IL17RC: variants seen among roughly 807,000 people sequenced by gnomAD.
IL17RC encodes the protein interleukin 17 receptor C.
Under a neutral mutation model 86.7 loss-of-function variants are expected in IL17RC, and 53 were observed. The observed-to-expected ratio is 0.61, with a 90% CI of 0.49 to 0.77. IL17RC has a LOEUF of 0.77. Among genes scored for constraint, IL17RC ranks in the 30% least tolerant of loss-of-function variants. The probability of loss-of-function intolerance (pLI) is 0.00; values close to 1 mark genes in which losing one functional copy is unlikely to be tolerated. For missense variants in IL17RC, 957 were observed against 940.0 expected, an observed-to-expected ratio of 1.02 and a Z score of -0.24; for synonymous variants, 439 against 413.1, an observed-to-expected ratio of 1.06 and a Z score of -0.76.
chr3:9,930,853 C>T lies in IL17RC; in HGVS notation c.1339-42C>T, dbSNP rs1204801218. 3 of 1,590,496 alleles carry T rather than the reference C, an allele frequency of 1.9e-6. No homozygotes were observed. The highest frequency in any genetic ancestry group is 3.3e-5 in the Admixed American group (2 of 59,996). On this transcript the variant is annotated intron_variant, in intron 15 of 18. Transcript: ENST00000403601. This position sits in a 1 kb window ranked among gnomAD's most constrained non-coding sequence, Gnocchi z 5.8. ...CCAGAGCTTGGTGAATATTGGAACACCTGGCTGGTGCCCTGGATTTGGTTC... is the reference window on the plus strand; with the variant it reads ...CCAGAGCTTGGTGAATATTGGAACATCTGGCTGGTGCCCTGGATTTGGTTC...
At chr3:9,920,688 C>A in intron 6 of IL17RC, 86 bp downstream of exon 6, 2 of 949,610 alleles carry the variant, frequency 2.1e-6, no homozygotes, top group Non-Finnish European at 3.3e-6. Context: ...CTAGCTCCAT[C>A]CACTCTCCGG....
At chr3:9,917,764 C>G (rs199819948) in intron 2 of IL17RC, 30 bp downstream of exon 2, 7 of 1,613,452 alleles carry the variant, frequency 4.3e-6, no homozygotes, top group Non-Finnish European at 4.2e-6. Flanking sequence ...AAAAGAATTT[C>G]CCAGGTTGGC....
Position 9,928,361 on chromosome 3 carries a change from C to T in IL17RC, c.934C>T (p.Gln312Ter). The T allele has an allele frequency of 6.2e-7, 1 of 1,605,656 alleles. No homozygotes were observed. Among genetic ancestry groups the T allele is most frequent in the Non-Finnish European group, 8.5e-7 (1 of 1,174,720 alleles). The part of the protein sequence containing the change: ...QAARLQLLTL[Q>*]SWLLDAPCSL... ...CGCCCGACTGCAACTGCTGACCCTG[C>T]AGAGCTGGCTGCTGGACGCACCGTG... The change falls in exon 11 of 19, where the codon CAG becomes TAG. Residue 312 changes from glutamine to a stop codon, truncating the protein, a stop_gained. Coordinates refer to ENST00000403601, the MANE Select transcript of IL17RC (RefSeq NM_153460.4). LOFTEE classifies it high-confidence loss of function.
At chr3:9,921,317 T>C (rs2083528434) in intron 7 of IL17RC, among the ~76,000 whole-genome samples, 1 of 151,954 alleles carries the variant, frequency 6.6e-6, no homozygotes, top group Non-Finnish European at 1.5e-5. Flanking sequence ...TAACAGGACA[T>C]GGTGGTGTGC....
chr3:9,922,039 G>C (rs1032193275), intron 7 of IL17RC, among the ~76,000 whole-genome samples: 5 of 138,830 alleles, frequency 3.6e-5, no homozygotes, highest in African/African-American at 1.4e-4. Context: ...TGCAACCTCT[G>C]CCTTCTGGGT....
Position 9,921,787 on chromosome 3 carries a change from G to T in IL17RC, c.622+818G>T, listed in dbSNP as rs866845632. 2.0e-5 allele frequency among the ~76,000 whole-genome samples: 3 copies of T among 150,350 alleles called. No homozygotes were observed. In the Middle Eastern group the frequency reaches 0.01, roughly 515 times the overall value. On this transcript the variant is annotated intron_variant, in intron 7 of 18. Transcript: ENST00000403601. Reference sequence around the variant, plus strand: ...CTACAGGCACCCGCCACCACGCCTGGCTAATTTTTTTTTTTTTTTAGTAGA... The same window carrying T: ...CTACAGGCACCCGCCACCACGCCTGTCTAATTTTTTTTTTTTTTTAGTAGA...
intron 7 of IL17RC, among the ~76,000 whole-genome samples, chr3:9,922,464 A>G (rs1162015095): frequency 3.9e-5 from 6 of 152,246 alleles, no homozygotes; most frequent in African/African-American, 1.4e-4. Flanking sequence ...AGATGTGTAT[A>G]TCATGGATTT....
rs558820978 is a variant in IL17RC, at chr3:9,921,450, G to A, written c.622+481G>A. On this transcript the variant is annotated intron_variant, in intron 7 of 18. Transcript: ENST00000403601. ...AGCCTGGGTGACAGAGCAAGACTCCGTCTCAAAAAACAAAACAAAACAAAA... is the reference window on the plus strand; with the variant it reads ...AGCCTGGGTGACAGAGCAAGACTCCATCTCAAAAAACAAAACAAAACAAAA... Among the ~76,000 whole-genome samples the A allele has an allele frequency of 4.8e-3, 600 of 124,328 alleles. 9 individuals carry two copies. In the South Asian group the frequency reaches 0.077, roughly 16 times the overall value. 81.6% of individuals were successfully genotyped at this position (124,328 alleles called of 152,430 possible).
Position 9,933,569 on chromosome 3 carries a change from A to T in IL17RC, c.2139A>T (p.Gly713=). The change falls in exon 19 of 19, where the codon GGA becomes GGT. Residue 713 remains glycine, a synonymous_variant. Transcript: ENST00000403601. ...APGRGVGPGA[G]PGAGDGT is the part of the protein sequence containing the mutation. ...GACGCGGGGTGGGACCAGGCGCGGG[A>T]CCTGGGGCGGGGGACGGGACTTAAA... 6.2e-7 allele frequency: 1 copy of T among 1,601,408 alleles called. No individual in the cohort carries two copies. Among genetic ancestry groups the T allele is most frequent in the African/African-American group, 1.3e-5 (1 of 74,724 alleles).
rs746942287 is a variant in IL17RC at position 9,932,967 on chromosome 3, C to G, written c.1537C>G (p.Arg513Gly). 13 of 1,606,402 alleles carry G rather than the reference C, an allele frequency of 8.1e-6. No homozygotes were observed. In the East Asian group the frequency reaches 2.9e-4, roughly 36 times the overall value. The change falls in exon 19 of 19, where the codon CGC (arginine) becomes GGC (glycine). Residue 513 changes from arginine to glycine, a missense_variant. Transcript: ENST00000403601. ...TTCTCCGGCAGCGGCCGCCAGGGGC[C>G]GCGCGGCTCTGCTCCTCTACTCAGC... ...DVRSGAAARG[R>G]AALLLYSADD...
intron 7 of IL17RC, among the ~76,000 whole-genome samples, chr3:9,921,827 G>A (rs1092518): frequency 6.7e-6 from 1 of 149,992 alleles, no homozygotes; most frequent in Non-Finnish European, 1.5e-5. Context: ...GGGTTTCACC[G>A]TGTTAGCCAG....
intron 5 of IL17RC, among the ~76,000 whole-genome samples, chr3:9,919,444 A>G (rs1406589373): frequency 6.6e-6 from 1 of 152,078 alleles, no homozygotes. Context: ...GGAGATTGAG[A>G]CCATCCTGGC....
In IL17RC at chr3:9,917,931, A is replaced by C; in HGVS notation, c.136A>C (p.Ile46Leu). 1 of 1,613,360 alleles carries C rather than the reference A, an allele frequency of 6.2e-7. No individual in the cohort carries two copies. The change falls in exon 3 of 19, where the codon ATA (isoleucine) becomes CTA (leucine). Residue 46 changes from isoleucine (I) to leucine (L), a missense_variant. Transcript: ENST00000403601. ...CGCTCCTCCACACACAGACAGTGAC[A>C]TACTCTGCCTGCCTGGGGACATCGT... ...GLSCRLWDSDILCLPGDIVPA... is the reference protein window; with the variant it reads ...GLSCRLWDSDLLCLPGDIVPA...
chr3:9,925,873 T>G (rs1559306747), intron 9 of IL17RC, among the ~76,000 whole-genome samples: 1 of 151,544 alleles, frequency 6.6e-6, no homozygotes, highest in Non-Finnish European at 1.5e-5. Context: ...TTTTTTTTTT[T>G]TTTAGAGACA....
chr3:9,930,476 AG>A lies in IL17RC; in HGVS notation c.1338+20del, dbSNP rs1559318897. On this transcript the variant is annotated intron_variant, in intron 15 of 18. Coordinates refer to ENST00000403601, the MANE Select transcript of IL17RC (RefSeq NM_153460.4). The surrounding 1 kb of genome is among the most constrained non-coding windows in gnomAD (Gnocchi z 5.8). ...TGTCTGCAGGTGAGCTGGTGGAAGA[AG>A]GGCCCCACCTCAATGCCTAGGGGCA... 1.2e-6 allele frequency: 2 copies of A among 1,613,344 alleles called. No individual in the cohort carries two copies.
intron 16 of IL17RC, 104 bp downstream of exon 16, chr3:9,931,047 G>A: frequency 1.1e-6 from 1 of 915,680 alleles, no homozygotes. Context: ...CCTTCCCTGA[G>A]ATCAGATAAA....
intron 12 of IL17RC, 47 bp from the exon 13 acceptor site, chr3:9,929,805 G>T (rs1481182127): frequency 1.2e-6 from 2 of 1,611,546 alleles, no homozygotes; most frequent in Non-Finnish European, 1.7e-6. Context: ...TTCTGCCTTT[G>T]GCTTTTGCTT....
Position 9,918,010 on chromosome 3 carries a change from T to C in IL17RC, c.215T>C (p.Leu72Pro), listed in dbSNP as rs2083246504. ...APTHLQTELV[L>P]RCQKETDCDL... ...ACGCACCTGCAGACAGAGCTGGTGC[T>C]GAGGTGCCAGAAGGAGACCGACTGT... is the stretch of plus-strand genomic sequence containing the variant. Residue 72 changes from leucine (L) to proline (P), a missense_variant, in exon 3 of 19, where the codon CTG (leucine) becomes CCG (proline). Coordinates refer to ENST00000403601, the MANE Select transcript of IL17RC (RefSeq NM_153460.4). The C allele has an allele frequency of 6.2e-7, 1 of 1,613,588 alleles. No individual in the cohort carries two copies. Among genetic ancestry groups the C allele is most frequent in the East Asian group, 2.2e-5 (1 of 44,864 alleles).
Position 9,917,255 on chromosome 3 carries a change from G to GC in IL17RC, c.-55dup, listed in dbSNP as rs2083152378. On this transcript the variant is annotated 5_prime_UTR_variant, in exon 1 of 19. Transcript: ENST00000403601. ...CAGACACGGGCTGACTGGGGTGTCT[G>GC]CCCCCCTTGGGGGGGGGCAGCACAG... 4 of 1,331,588 alleles carry GC rather than the reference G, an allele frequency of 3.0e-6. No homozygotes were observed. Among genetic ancestry groups the GC allele is most frequent in the South Asian group, 1.4e-5 (1 of 73,570 alleles). The allele number at this position is 1,331,588 out of a possible 1,614,324, so 82.5% of individuals were successfully genotyped here. A position where few individuals can be genotyped will look rare whatever the true frequency, so the allele number is the denominator to read the frequency against.
Sources: gnomAD v4.1 joint callset for allele counts (sites outside exome capture counted in the v4.1 genomes callset) on GRCh38, gnomAD v4.1.1 for gene constraint, Gnocchi (gnomAD v3.1) non-coding constraint, MANE v1.5 for transcripts, NCBI Gene and HGNC (gene_info 2026-07-23, HGNC 2026-07-21) for gene names.